Variants in PPP1R9A observed in about 807,000 individuals in gnomAD.
PPP1R9A encodes neurabin-1.
In PPP1R9A, 59 loss-of-function variants were observed where a neutral mutation model predicts 141.9. The ratio of observed to expected loss-of-function variants is 0.42; its 90% CI spans 0.34 to 0.52. The LOEUF (loss-of-function observed/expected upper bound fraction) is 0.52. Among genes scored for constraint, PPP1R9A ranks in the 20% least tolerant of loss-of-function variants. PPP1R9A has a pLI of 0.10. For missense variants in PPP1R9A, 1,444 were observed against 1,611.9 expected (o/e 0.90, Z 1.78); for synonymous variants, 500 against 569.7 (o/e 0.88, Z 1.74).
At chr7:95,210,242 G>T (rs1232834240) in intron 7 of PPP1R9A, among the ~76,000 whole-genome samples, 1 of 152,172 alleles carries the variant, frequency 6.6e-6, no homozygotes, top group Non-Finnish European at 1.5e-5. Flanking sequence ...TTATTTTGCT[G>T]TGGAAACAGT....
chr7:95,041,855 C>G lies in PPP1R9A; in HGVS notation c.1396-69404C>G, dbSNP rs144170537. ...CCTGAAAATTTTTTCAGTGAGACTTCCAGAACCTGTGCTGGAAGGATAAAT... is the reference window on the plus strand; with the variant it reads ...CCTGAAAATTTTTTCAGTGAGACTTGCAGAACCTGTGCTGGAAGGATAAAT... On this transcript the variant is annotated intron_variant, in intron 2 of 19. Coordinates refer to ENST00000433360, the MANE Select transcript of PPP1R9A (RefSeq NM_001166160.2). Among the ~76,000 whole-genome samples the G allele has an allele frequency of 2.2e-3, 342 of 152,042 alleles. 1 individual carries two copies. Among genetic ancestry groups the G allele is most frequent in the African/African-American group, 8.1e-3 (336 of 41,462 alleles).
chr7:95,212,462 T>G (rs1430156663), intron 7 of PPP1R9A, among the ~76,000 whole-genome samples: 1 of 152,202 alleles, frequency 6.6e-6, no homozygotes, highest in Admixed American at 6.5e-5. Flanking sequence ...AAAATGAGGC[T>G]ACTCTTAGTT....
chr7:95,127,325 A>G (rs1455349074), intron 4 of PPP1R9A, among the ~76,000 whole-genome samples: 1 of 152,064 alleles, frequency 6.6e-6, no homozygotes, highest in African/African-American at 2.4e-5. Flanking sequence ...TAATGTTTTC[A>G]GTATTAAGGT....
At chr7:95,118,671 T>A (rs1821943245) in intron 3 of PPP1R9A, among the ~76,000 whole-genome samples, 1 of 151,916 alleles carries the variant, frequency 6.6e-6, no homozygotes. Flanking sequence ...ATCCGAAGAA[T>A]ACTAATTACA....
intron 2 of PPP1R9A, among the ~76,000 whole-genome samples, chr7:95,084,357 G>A (rs909886024): frequency 6.6e-6 from 1 of 151,920 alleles, no homozygotes; most frequent in East Asian, 1.9e-4. Context: ...TAGGCTAAAC[G>A]TCACTAAGAA....
chr7:94,936,509 G>C (rs1794774997), intron 2 of PPP1R9A, among the ~76,000 whole-genome samples: 1 of 152,086 alleles, frequency 6.6e-6, no homozygotes, highest in Admixed American at 6.6e-5. Context: ...ATTCTAAAGG[G>C]ACTTGAGTAT....
intron 8 of PPP1R9A, among the ~76,000 whole-genome samples, chr7:95,242,621 C>T (rs1041861626): frequency 6.6e-6 from 1 of 152,002 alleles, no homozygotes; most frequent in African/African-American, 2.4e-5. Flanking sequence ...ACAGCAGGTA[C>T]ACCTTCAGAA....
chr7:95,058,271 C>G (rs969148026), intron 2 of PPP1R9A, among the ~76,000 whole-genome samples: 1 of 152,128 alleles, frequency 6.6e-6, no homozygotes, highest in African/African-American at 2.4e-5. Context: ...AGATCCCTTA[C>G]TAGGTATTAG....
chr7:95,153,016 A>AT (rs1236165724), intron 4 of PPP1R9A, among the ~76,000 whole-genome samples: 4 of 151,840 alleles, frequency 2.6e-5, no homozygotes, highest in South Asian at 4.2e-4. Flanking sequence ...TATCCGGCTA[A>AT]TTTTTTTATT....
intron 2 of PPP1R9A, among the ~76,000 whole-genome samples, chr7:95,054,083 A>G (rs762722535): frequency 2.2e-4 from 34 of 151,680 alleles, no homozygotes; most frequent in Non-Finnish European, 4.7e-4. Flanking sequence ...AGATTAGTCC[A>G]CTATGGCTTC....
intron 2 of PPP1R9A, among the ~76,000 whole-genome samples, chr7:95,079,139 G>A (rs59514782): frequency 2.5e-4 from 38 of 152,192 alleles, no homozygotes; most frequent in Admixed American, 3.3e-4. Flanking sequence ...TCTTTAATCC[G>A]TCTTGAATTA....
chr7:95,131,266 G>A (rs1824555805), intron 4 of PPP1R9A, among the ~76,000 whole-genome samples: 1 of 152,144 alleles, frequency 6.6e-6, no homozygotes, highest in African/African-American at 2.4e-5. Flanking sequence ...AAAAAGGGGA[G>A]TTTCCCTGCA....
chr7:95,081,347 A>G (rs1309801416), intron 2 of PPP1R9A, among the ~76,000 whole-genome samples: 1 of 152,204 alleles, frequency 6.6e-6, no homozygotes, highest in Non-Finnish European at 1.5e-5. Context: ...TTAGTATACA[A>G]GAATATTAAA....
At chr7:94,907,843 C>G (rs905019448) in intron 1 of PPP1R9A, 141 bp downstream of exon 1, 5 of 150,236 alleles carry the variant, frequency 3.3e-5, no homozygotes, top group Admixed American at 6.6e-5. Context: ...CAGGCCGGCC[C>G]GAGCGTGCGG....
At chr7:95,260,854 C>T (rs1800326398) in intron 12 of PPP1R9A, among the ~76,000 whole-genome samples, 1 of 152,026 alleles carries the variant, frequency 6.6e-6, no homozygotes, top group South Asian at 2.1e-4. Flanking sequence ...AAGTAAAGAT[C>T]ATTTTAACCC....
At chr7:95,047,839 G>T (rs879776733) in intron 2 of PPP1R9A, among the ~76,000 whole-genome samples, 10 of 152,152 alleles carry the variant, frequency 6.6e-5, no homozygotes, top group Non-Finnish European at 1.3e-4. Flanking sequence ...CATATAGAAA[G>T]TGTTTGAAGT....
At chr7:94,992,653 T>C (rs1300797278) in intron 2 of PPP1R9A, among the ~76,000 whole-genome samples, 1 of 152,214 alleles carries the variant, frequency 6.6e-6, no homozygotes, top group East Asian at 1.9e-4. Context: ...TCTTTTTAAA[T>C]TTTAGCCATT....
rs1009466933 is a variant in PPP1R9A at position 95,038,487 on chromosome 7, G to A, written c.1396-72772G>A. ...CTGAGAATGATTCCCTCATGGCCCT[G>A]GTGGGAGAAGTGGACAAGTAATCAT... On this transcript the variant is annotated intron_variant, in intron 2 of 19. Coordinates refer to ENST00000433360, the MANE Select transcript of PPP1R9A (RefSeq NM_001166160.2). 3.9e-5 allele frequency among the ~76,000 whole-genome samples: 6 copies of A among 152,192 alleles called. No individual in the cohort carries two copies. The East Asian group carries it at 1.2e-3, about 29-fold the overall frequency.
chr7:95,188,112 T>C (rs535049738), intron 5 of PPP1R9A, among the ~76,000 whole-genome samples: 3 of 152,328 alleles, frequency 2.0e-5, no homozygotes, highest in East Asian at 3.9e-4. Context: ...TGGGTTGCCA[T>C]CTATCTCATT....
Sources: allele counts gnomAD v4.1 joint callset (sites outside exome capture counted in the v4.1 genomes callset), GRCh38; gene constraint gnomAD v4.1.1; transcripts MANE v1.5; gene names NCBI Gene and HGNC (gene_info 2026-07-23, HGNC 2026-07-21).